The following AREL1 variants were observed in gnomAD, a reference collection of about 807,000 sequenced individuals.
AREL1 encodes apoptosis resistant E3 ubiquitin protein ligase 1, also known as apoptosis-resistant E3 ubiquitin protein ligase 1.
In AREL1, 62 loss-of-function variants were observed where a neutral mutation model predicts 99.0. That is an observed-to-expected ratio of 0.63 (90% CI 0.51 to 0.77). AREL1 has a LOEUF of 0.77. AREL1 is among the 30% of genes least tolerant of loss of function. AREL1 has a pLI of 0.00. For missense variants in AREL1, 879 were observed against 1,027.6 expected (o/e 0.86, Z 1.98); for synonymous variants, 380 against 376.5 (o/e 1.01, Z -0.11).
intron 1 of AREL1, among the ~76,000 whole-genome samples, chr14:74,696,736 G>A (rs538212992): frequency 4.6e-5 from 7 of 152,212 alleles, no homozygotes; most frequent in African/African-American, 1.7e-4. Context: ...AGGCCAAAGT[G>A]GGCAGATCAC....
Position 74,683,467 on chromosome 14 carries a change from G to C in AREL1, c.310C>G (p.His104Asp). ...RPVGLRVHIS[H>D]VELAVEIPVT... ...GGAATTTCCACTGCTAGCTCGACAT[G>C]AGAGATGTGAACTCTTAGTCCCACA... Residue 104 changes from histidine (H) to aspartate (D), a missense_variant, in exon 5 of 20, where the codon CAT becomes GAT. Coordinates refer to ENST00000356357, the MANE Select transcript of AREL1 (RefSeq NM_001039479.2). 2 of 1,614,124 alleles carry C rather than the reference G, an allele frequency of 1.2e-6. No homozygotes were observed. Among genetic ancestry groups the C allele is most frequent in the Non-Finnish European group, 1.7e-6 (2 of 1,180,020 alleles).
chr14:74,671,321 CTTTTTTTTTTTT>C (rs34340758), intron 12 of AREL1, 75 bp downstream of exon 12: 1,310 of 125,946 alleles, frequency 0.01, 36 homozygotes, highest in African/African-American at 0.071. Flanking sequence ...GTAAGAGTTG[CTTTTTTTTTTTT>C]TTTTTTTTTT....
rs746672169 is a variant in AREL1, at chr14:74,671,468, G to C, written c.1438C>G (p.Arg480Gly). 6.3e-7 allele frequency: 1 copy of C among 1,597,732 alleles called. No individual in the cohort carries two copies. Among genetic ancestry groups the C allele is most frequent in the African/African-American group, 1.4e-5 (1 of 73,634 alleles). ...CTCCAATCTGAGATGGAGAAATTCC[G>C]AGTGGCTTTCAGAGACTGAAAAGAA... The part of the protein sequence containing the change: ...ALLESSLKAT[R>G]NFSISDWSKN... Residue 480 changes from arginine (R) to glycine (G), a missense_variant, in exon 12 of 20, where the codon CGG (arginine) becomes GGG (glycine). Physicochemically the swap from Arg to Gly is moderately radical, Grantham distance 125 (BLOSUM62 -2). Coordinates refer to ENST00000356357, the MANE Select transcript of AREL1 (RefSeq NM_001039479.2).
intron 2 of AREL1, among the ~76,000 whole-genome samples, chr14:74,686,606 T>C (rs2089753862): frequency 6.6e-6 from 1 of 152,170 alleles, no homozygotes; most frequent in Non-Finnish European, 1.5e-5. Flanking sequence ...GAATATTACG[T>C]AGAGACAAGA....
chr14:74,678,722 CT>C (rs2089554246), intron 5 of AREL1, among the ~76,000 whole-genome samples: 1 of 146,244 alleles, frequency 6.8e-6, no homozygotes, highest in Non-Finnish European at 1.5e-5. Flanking sequence ...AAAAGAGGAC[CT>C]TGACCCAAAT....
intron 1 of AREL1, among the ~76,000 whole-genome samples, chr14:74,699,721 T>C (rs532259304): frequency 2.6e-5 from 4 of 152,362 alleles, no homozygotes; most frequent in Non-Finnish European, 5.9e-5. Flanking sequence ...TGGTTATCAA[T>C]ATACATCATT....
chr14:74,672,897 C>T lies in AREL1; in HGVS notation c.1356G>A (p.Gln452=). The change falls in exon 11 of 20, where the codon CAG becomes CAA. Residue 452 remains glutamine (Q), a synonymous_variant. Transcript: ENST00000356357. ...KVNFFQRELR[Q]VHMKRPHSKV... ...TGGAATGTGGTCTTTTCATATGTACCTGCCGAAGCTCTCGCTGGAAAAAGT... is the reference window on the plus strand; with the variant it reads ...TGGAATGTGGTCTTTTCATATGTACTTGCCGAAGCTCTCGCTGGAAAAAGT... 6.2e-6 allele frequency: 10 copies of T among 1,614,142 alleles called. No individual in the cohort carries two copies. Among genetic ancestry groups the T allele is most frequent in the Non-Finnish European group, 8.5e-6 (10 of 1,180,020 alleles).
rs1173340615 is a variant in AREL1 at position 74,712,939 on chromosome 14, C to A, written c.-340G>T. 7 of 686,304 alleles carry A rather than the reference C, an allele frequency of 1.0e-5. No individual in the cohort carries two copies. In the Admixed American group the frequency reaches 1.4e-4, roughly 14 times the overall value. 42.5% of individuals were successfully genotyped at this position (686,304 alleles called of 1,614,324 possible). A position where few individuals can be genotyped will look rare whatever the true frequency, so the allele number is the denominator to read the frequency against. On this transcript the variant is annotated 5_prime_UTR_variant, in exon 1 of 20. Transcript: ENST00000356357. ...GGCTGGAGAGAAACGTTACCCGAGC[C>A]GGGGGTTGCAGCGCGACGAAGTTCC...
At chr14:74,712,783 C>T (rs1204129123) in intron 1 of AREL1, 150 bp downstream of exon 1, 3 of 358,346 alleles carry the variant, frequency 8.4e-6, no homozygotes, top group Admixed American at 7.6e-5. Flanking sequence ...ACCGGATACC[C>T]CAACGCTACA....
At chr14:74,712,019 G>A (rs2140006535) in intron 1 of AREL1, 1 of 103,830 alleles carries the variant, frequency 9.6e-6, no homozygotes, top group African/African-American at 3.9e-5. Flanking sequence ...TCAGTAGCTG[G>A]AGAATGGAAG....
At position 74,661,950 on chromosome 14, in the gene AREL1, C is replaced by G. The variant is rs901331476; in HGVS notation, c.*1770G>C. The G allele has an allele frequency of 6.5e-6, 1 of 152,782 alleles. No homozygotes were observed. Among genetic ancestry groups the G allele is most frequent in the African/African-American group, 2.4e-5 (1 of 41,448 alleles). The allele number at this position is 152,782 out of a possible 1,614,324, so 9.5% of individuals were successfully genotyped here. The stretch of plus-strand genomic sequence containing the variant: ...GTCCACGTGCCCCCAGCTGGAAACC[C>G]CTTTCTGGGCCCAAGGGGCAGCATT... On this transcript the variant is annotated 3_prime_UTR_variant, in exon 20 of 20. Transcript: ENST00000356357.
intron 1 of AREL1, among the ~76,000 whole-genome samples, chr14:74,706,113 ACT>A (rs2090174286): frequency 6.6e-6 from 1 of 152,076 alleles, no homozygotes; most frequent in Non-Finnish European, 1.5e-5. Flanking sequence ...TACAAAACTG[ACT>A]CTGCTATGCC....
chr14:74,674,437 T>A (rs891786307), intron 8 of AREL1, among the ~76,000 whole-genome samples: 5 of 151,962 alleles, frequency 3.3e-5, no homozygotes, highest in Non-Finnish European at 7.4e-5. Flanking sequence ...CAGTCTCTAC[T>A]AAAAATACAA....
chr14:74,702,049 C>G (rs778167707), intron 1 of AREL1, among the ~76,000 whole-genome samples: 34 of 152,224 alleles, frequency 2.2e-4, no homozygotes, highest in Non-Finnish European at 5.0e-4. Flanking sequence ...CAGCCTCCTC[C>G]CCAGCTGCTT....
intron 2 of AREL1, among the ~76,000 whole-genome samples, chr14:74,689,659 G>A (rs977727802): frequency 2.1e-5 from 3 of 141,538 alleles, no homozygotes; most frequent in African/African-American, 5.3e-5. Context: ...GTGCAATGGC[G>A]TGATCTCAGC....
intron 1 of AREL1, among the ~76,000 whole-genome samples, chr14:74,695,708 T>C (rs770819687): frequency 7.2e-5 from 11 of 152,196 alleles, no homozygotes; most frequent in Non-Finnish European, 1.5e-4. Flanking sequence ...TTTGTTTATA[T>C]AGCAGTCTCT....
At chr14:74,689,012 A>AT (rs80335637) in intron 2 of AREL1, among the ~76,000 whole-genome samples, 702 of 131,872 alleles carry the variant, frequency 5.3e-3, no homozygotes, top group African/African-American at 8.3e-3. Context: ...AATTTTTTGT[A>AT]TTTTTTTTTT....
chr14:74,669,080 G>C (rs2139864458), intron 15 of AREL1, among the ~76,000 whole-genome samples: 1 of 152,204 alleles, frequency 6.6e-6, no homozygotes, highest in African/African-American at 2.4e-5. Context: ...AAATCTAAAA[G>C]ACAGGGTCTT....
intron 15 of AREL1, among the ~76,000 whole-genome samples, chr14:74,668,181 T>C (rs976293221): frequency 3.9e-5 from 6 of 152,344 alleles, no homozygotes; most frequent in African/African-American, 1.4e-4. Flanking sequence ...GCCTGAACTT[T>C]CCTCTCTGCA....
Sources: gnomAD v4.1 joint callset for allele counts (sites outside exome capture counted in the v4.1 genomes callset) on GRCh38, gnomAD v4.1.1 for gene constraint, MANE v1.5 for transcripts, NCBI Gene and HGNC (gene_info 2026-07-23, HGNC 2026-07-21) for gene names.